The following M1AP variants were observed in gnomAD, a reference collection of about 807,000 sequenced individuals.
The protein encoded by M1AP is meiosis 1 arrest protein.
Under a neutral mutation model 51.2 loss-of-function variants are expected in M1AP, and 39 were observed. That is an observed-to-expected ratio of 0.76 (90% CI 0.59 to 1.00). The LOEUF (loss-of-function observed/expected upper bound fraction) is 1.00, where lower values mean the gene tolerates loss of function less well. Among genes scored for constraint, M1AP ranks in the 50% least tolerant of loss-of-function variants. The pLI, the probability that M1AP is intolerant of heterozygous loss-of-function variation, is 0.00. For missense variants in M1AP, 545 were observed against 641.2 expected (o/e 0.85, Z 1.62); for synonymous variants, 251 against 249.2 (o/e 1.01, Z -0.07).
At chr2:74,566,417 A>G (rs2104526173) in intron 7 of M1AP, among the ~76,000 whole-genome samples, 1 of 152,326 alleles carries the variant, frequency 6.6e-6, no homozygotes, top group Non-Finnish European at 1.5e-5. Flanking sequence ...AAAAATGAGT[A>G]GATATTTGTC....
chr2:74,647,632 G>A (rs1314979556), intron 1 of M1AP, among the ~76,000 whole-genome samples: 4 of 152,162 alleles, frequency 2.6e-5, no homozygotes, highest in Non-Finnish European at 5.9e-5. Context: ...GGTGGCTCAC[G>A]CCTGTAATCG....
chr2:74,592,752 A>G (rs1680120684), intron 4 of M1AP, among the ~76,000 whole-genome samples: 1 of 152,174 alleles, frequency 6.6e-6, no homozygotes, highest in Non-Finnish European at 1.5e-5. Context: ...GAAATTCACC[A>G]ATGTTTTCTT....
chr2:74,614,442 C>T (rs363691), intron 3 of M1AP, among the ~76,000 whole-genome samples: 17,331 of 152,176 alleles, frequency 0.11, 1,504 homozygotes, highest in East Asian at 0.49. Context: ...TGTCTTAACT[C>T]ACACTTACTC....
In M1AP at chr2:74,640,218, G is replaced by T. The variant is rs561470017; in HGVS notation, c.58C>A (p.Gln20Lys). 1.9e-5 allele frequency: 30 copies of T among 1,614,116 alleles called. No homozygotes were observed. In the South Asian group the frequency reaches 2.9e-4, roughly 15 times the overall value. Residue 20 changes from glutamine to lysine, a missense_variant, in exon 2 of 11, where the codon CAA becomes AAA. By Grantham distance (53) the Gln-to-Lys change is moderately conservative. Coordinates refer to ENST00000421985, the MANE Select transcript of M1AP (RefSeq NM_001321739.2). Reference protein sequence around the residue: ...GPSTHTQIDQQPPRLLIVHIA... With the variant: ...GPSTHTQIDQKPPRLLIVHIA... ...TGCACAATGAGAAGCCGTGGAGGTT[G>T]CTGGTCAATCTGAGTGTGAGTAGAG... is the stretch of plus-strand genomic sequence containing the variant.
At chr2:74,648,037 C>G in intron 1 of M1AP, 1 of 985,546 alleles carries the variant, frequency 1.0e-6, no homozygotes, top group Non-Finnish European at 1.2e-6. Context: ...GCTCCGGGCC[C>G]AGACTCCGCG....
At chr2:74,593,083 A>C (rs1680140117) in intron 4 of M1AP, among the ~76,000 whole-genome samples, 1 of 152,224 alleles carries the variant, frequency 6.6e-6, no homozygotes, top group South Asian at 2.1e-4. Flanking sequence ...AACACAAGTC[A>C]TTTGCCAAGT....
chr2:74,575,227 T>C (rs1339110815), intron 7 of M1AP: 3 of 912,684 alleles, frequency 3.3e-6, no homozygotes, highest in Non-Finnish European at 3.9e-6. Flanking sequence ...AAGTTTAGTG[T>C]TGTATAACTG....
intron 4 of M1AP, among the ~76,000 whole-genome samples, chr2:74,587,871 A>G (rs74662947): frequency 0.015 from 2,229 of 152,292 alleles, 63 homozygotes; most frequent in African/African-American, 0.051. Context: ...TGCGGCCACA[A>G]TGGGAAAAAA....
intron 2 of M1AP, among the ~76,000 whole-genome samples, chr2:74,622,598 T>C (rs1682124498): frequency 6.6e-6 from 1 of 151,002 alleles, no homozygotes; most frequent in Non-Finnish European, 1.5e-5. Context: ...AAAATTTGTA[T>C]TATATGTGTG....
intron 4 of M1AP, among the ~76,000 whole-genome samples, chr2:74,604,759 C>A (rs1044765369): frequency 4.6e-5 from 7 of 152,142 alleles, no homozygotes; most frequent in African/African-American, 1.4e-4. Context: ...TGCTTATTTG[C>A]ATTTTTAATT....
At chr2:74,636,842 GT>G (rs1482103606) in intron 2 of M1AP, among the ~76,000 whole-genome samples, 1 of 152,052 alleles carries the variant, frequency 6.6e-6, no homozygotes, top group African/African-American at 2.4e-5. Flanking sequence ...GACTCTCAAA[GT>G]GCTAAGATTA....
intron 2 of M1AP, among the ~76,000 whole-genome samples, chr2:74,631,629 T>A (rs1291660602): frequency 4.6e-5 from 7 of 152,184 alleles, no homozygotes; most frequent in African/African-American, 1.7e-4. Context: ...ATATATGATT[T>A]AAATAAGTTT....
chr2:74,569,264 G>A (rs556011471), intron 7 of M1AP, among the ~76,000 whole-genome samples: 28 of 151,992 alleles, frequency 1.8e-4, no homozygotes, highest in African/African-American at 5.8e-4. Flanking sequence ...CTTTACACAC[G>A]CAATATTTAA....
intron 7 of M1AP, among the ~76,000 whole-genome samples, chr2:74,572,831 A>G (rs1179688783): frequency 2.6e-5 from 4 of 152,226 alleles, no homozygotes; most frequent in African/African-American, 2.4e-5. Flanking sequence ...TGACAGGTCA[A>G]CTACATCCCT....
chr2:74,615,792 T>C (rs1416779744), intron 2 of M1AP: 1 of 152,428 alleles, frequency 6.6e-6, no homozygotes, highest in Non-Finnish European at 1.5e-5. Context: ...ACTAGGTCAA[T>C]GTTACTTCTC....
At chr2:74,567,143 A>G (rs1457897193) in intron 7 of M1AP, among the ~76,000 whole-genome samples, 1 of 152,236 alleles carries the variant, frequency 6.6e-6, no homozygotes, top group Non-Finnish European at 1.5e-5. Flanking sequence ...TTATTTATAT[A>G]TTTATTTCCT....
At chr2:74,591,702 A>C (rs961916979) in intron 4 of M1AP, among the ~76,000 whole-genome samples, 3 of 152,266 alleles carry the variant, frequency 2.0e-5, no homozygotes, top group African/African-American at 7.2e-5. Context: ...AAGTGGAGCC[A>C]TGAAAGAAAA....
chr2:74,563,869 C>T lies in M1AP; in HGVS notation c.1075-1446G>A, dbSNP rs142752088. Among the ~76,000 whole-genome samples the T allele has an allele frequency of 2.0e-3, 308 of 152,152 alleles. 1 individual carries two copies. The highest frequency in any genetic ancestry group is 7.2e-3 in the African/African-American group (298 of 41,498). ...TTGTAGATGTACCCTTTTAAATGAG[C>T]CATGAAAATGAGGCAATTTTTTTTG... On this transcript the variant is annotated intron_variant, in intron 7 of 10. Coordinates refer to ENST00000421985, the MANE Select transcript of M1AP (RefSeq NM_001321739.2).
chr2:74,646,071 CTGATA>C (rs1436782707), intron 1 of M1AP, among the ~76,000 whole-genome samples: 2 of 152,208 alleles, frequency 1.3e-5, no homozygotes, highest in Non-Finnish European at 2.9e-5. Context: ...ATATAGCGTA[CTGATA>C]TAATATAGTG....
Sources: gnomAD v4.1 joint callset for allele counts (sites outside exome capture counted in the v4.1 genomes callset) on GRCh38, gnomAD v4.1.1 for gene constraint, MANE v1.5 for transcripts, NCBI Gene and HGNC (gene_info 2026-07-23, HGNC 2026-07-21) for gene names.